The following MAPK7 variants were observed in gnomAD, a reference collection of about 807,000 sequenced individuals.
MAPK7 encodes the protein mitogen-activated protein kinase 7, also known as BMK-1.
In MAPK7, 30 loss-of-function variants were observed where a neutral mutation model predicts 56.9. The ratio of observed to expected loss-of-function variants is 0.53; its 90% confidence interval spans 0.39 to 0.72. The LOEUF (loss-of-function observed/expected upper bound fraction) is 0.72. MAPK7 is among the 30% of genes least tolerant of loss of function. The pLI is 0.00. For missense variants in MAPK7, 952 were observed against 1,110.8 expected, an observed-to-expected ratio of 0.86 and a Z score of 2.03; for synonymous variants, 516 against 449.3, an observed-to-expected ratio of 1.15 and a Z score of -1.88.
chr17:19,378,954 C>G lies in MAPK7; in HGVS notation c.54C>G (p.Pro18=). ...EDGEDGSAEP[P]GPVKAEPAHT... The stretch of plus-strand genomic sequence containing the variant: ...GCGAGGACGGCTCTGCGGAGCCCCC[C>G]GGGCCCGTGAAGGCCGAACCCGCCC... The change falls in exon 2 of 7, where the codon CCC becomes CCG. Residue 18 remains proline (P), a synonymous_variant. Coordinates refer to ENST00000395604, the MANE Select transcript of MAPK7 (RefSeq NM_002749.4). The surrounding 1 kb of genome is among the most constrained non-coding windows in gnomAD (Gnocchi z 5.4). 1 of 1,600,532 alleles carries G rather than the reference C, an allele frequency of 6.2e-7. No homozygotes were observed. Among genetic ancestry groups the G allele is most frequent in the Admixed American group, 1.7e-5 (1 of 58,162 alleles).
At chr17:19,379,326 A>C (rs1415174240) in intron 2 of MAPK7, 194 bp downstream of exon 2, 1 of 609,546 alleles carries the variant, frequency 1.6e-6, no homozygotes. Flanking sequence ...TGGTTTTGCC[A>C]TCCTGCCTGC....
In MAPK7 at chr17:19,380,935, T is replaced by C. The variant is rs55909715; in HGVS notation, c.726T>C (p.Ala242=). The C allele has an allele frequency of 9.9e-5, 159 of 1,614,094 alleles. No homozygotes were observed. The African/African-American group carries it at 1.9e-3, about 20-fold the overall frequency. Residue 242 remains alanine, a synonymous_variant, in exon 4 of 7, where the codon GCT becomes GCC. Coordinates refer to ENST00000395604, the MANE Select transcript of MAPK7 (RefSeq NM_002749.4). ...TCTCTTTGCATGAGTATACACAGGCTATTGACCTCTGGTCTGTGGGCTGCA... is the reference window on the plus strand; with the variant it reads ...TCTCTTTGCATGAGTATACACAGGCCATTGACCTCTGGTCTGTGGGCTGCA... ...LMLSLHEYTQ[A]IDLWSVGCIF...
intron 3 of MAPK7, chr17:19,380,279 T>C: frequency 2.0e-6 from 1 of 495,856 alleles, no homozygotes; most frequent in African/African-American, 1.9e-5. Context: ...CCTGGTCAAT[T>C]TTCATCATAG....
At chr17:19,379,232 T>G in intron 2 of MAPK7, 100 bp downstream of exon 2, 1 of 1,085,254 alleles carries the variant, frequency 9.2e-7, no homozygotes. Context: ...GGGTGCGAGT[T>G]CTGGCTCCAG....
chr17:19,382,287 A>G lies in MAPK7; in HGVS notation c.1984A>G (p.Ser662Gly). The G allele has an allele frequency of 6.3e-7, 1 of 1,588,300 alleles. No homozygotes were observed. Among genetic ancestry groups the G allele is most frequent in the South Asian group, 1.1e-5 (1 of 90,166 alleles). ...PAPPQIATST[S>G]LLAAQSLVPP... ...GCCACCCCAGATTGCCACCTCCACC[A>G]GCCTCCTGGCTGCCCAGTCACTTGT... The change falls in exon 5 of 7, where the codon AGC (serine) becomes GGC (glycine). Residue 662 changes from serine (S) to glycine (G), a missense_variant. By Grantham distance (56) the Ser-to-Gly change is moderately conservative (BLOSUM62 0). Transcript: ENST00000395604.
At position 19,380,362 on chromosome 17, in the gene MAPK7, C is replaced by G; in HGVS notation, c.399-246C>G. On this transcript the variant is annotated intron_variant, in intron 3 of 6. Transcript: ENST00000395604. ...ACCTATTGGCCAGCCCTGGTGTAGT[C>G]CAACCCCATCTTTTATCTGATGGGG... is the stretch of plus-strand genomic sequence containing the variant. 2.8e-6 allele frequency: 3 copies of G among 1,069,072 alleles called. No homozygotes were observed. In the South Asian group the frequency reaches 6.3e-5, roughly 22 times the overall value. 66.2% of individuals were successfully genotyped at this position (1,069,072 alleles called of 1,614,324 possible).
At chr17:19,380,221 G>C (rs906114511) in intron 3 of MAPK7, 1 of 517,780 alleles carries the variant, frequency 1.9e-6, no homozygotes, top group African/African-American at 1.9e-5. Context: ...TCCCATAGCA[G>C]ACTTCACTAA....
intron 3 of MAPK7, 121 bp from the exon 4 acceptor site, chr17:19,380,487 C>G: frequency 6.8e-7 from 1 of 1,472,996 alleles, no homozygotes; most frequent in Non-Finnish European, 8.9e-7. Context: ...CCGTCAGCCC[C>G]TATGGGGTCC....
At chr17:19,380,363 C>A in intron 3 of MAPK7, 1 of 1,077,320 alleles carries the variant, frequency 9.3e-7, no homozygotes, top group Non-Finnish European at 1.2e-6. Context: ...TGGTGTAGTC[C>A]AACCCCATCT....
chr17:19,383,447 T>G lies in MAPK7; in HGVS notation c.*216T>G. ...CCCCAACTCCCCCTGAACAATCCTT[T>G]TCAGTATTATATTTTTATTATTATT... On this transcript the variant is annotated 3_prime_UTR_variant, in exon 7 of 7. Transcript: ENST00000395604. The G allele has an allele frequency of 2.2e-6, 1 of 445,406 alleles. No homozygotes were observed. Among genetic ancestry groups the G allele is most frequent in the Non-Finnish European group, 4.0e-6 (1 of 252,816 alleles). 27.6% of individuals were successfully genotyped at this position (445,406 alleles called of 1,614,324 possible).
At chr17:19,380,471 A>C (rs1567919393) in intron 3 of MAPK7, 137 bp from the exon 4 acceptor site, 3 of 1,444,928 alleles carry the variant, frequency 2.1e-6, no homozygotes, top group Non-Finnish European at 2.7e-6. Flanking sequence ...CTTCTTCCAT[A>C]CCATGCCGTC....
upstream of MAPK7, chr17:19,378,427 G>C: frequency 9.9e-7 from 1 of 1,011,770 alleles, no homozygotes; most frequent in African/African-American, 1.7e-5. This position sits in a 1 kb window ranked among gnomAD's most constrained non-coding sequence, Gnocchi z 5.4. Context: ...ACCCTCCGCA[G>C]CAGTAGCTCA....
At position 19,378,881 on chromosome 17, in the gene MAPK7, C is replaced by G; in HGVS notation, c.-5-15C>G. On this transcript the variant is annotated splice_polypyrimidine_tract_variant and intron_variant, in intron 1 of 6. Coordinates refer to ENST00000395604, the MANE Select transcript of MAPK7 (RefSeq NM_002749.4). The surrounding 1 kb of genome is among the most constrained non-coding windows in gnomAD (Gnocchi z 5.4). ...CACGGTAGGTGGTCCTCTCCTCACC[C>G]GAGTCTCCACACAGACACCATGGCC... The G allele has an allele frequency of 6.5e-7, 1 of 1,545,280 alleles. No individual in the cohort carries two copies.
At position 19,379,849 on chromosome 17, in the gene MAPK7, C is replaced by T. The variant is rs376398277; in HGVS notation, c.300C>T (p.Leu100=). The T allele has an allele frequency of 1.7e-5, 28 of 1,614,130 alleles. No individual in the cohort carries two copies. The Admixed American group carries it at 3.3e-4, about 19-fold the overall frequency. Residue 100 remains leucine, a synonymous_variant, in exon 3 of 7, where the codon CTC becomes CTT. Coordinates refer to ENST00000395604, the MANE Select transcript of MAPK7 (RefSeq NM_002749.4). ...FDVVTNAKRT[L]RELKILKHFK... ...TGGTGACCAATGCCAAGCGGACCCT[C>T]AGGGAGCTGAAGATCCTCAAGCACT...
In MAPK7 at chr17:19,381,935, G is replaced by T; in HGVS notation, c.1632G>T (p.Gly544=). Residue 544 remains glycine, a synonymous_variant, in exon 5 of 7, where the codon GGG becomes GGT. Transcript: ENST00000395604. The surrounding 1 kb of genome is among the most constrained non-coding windows in gnomAD (Gnocchi z 4.6). ...AGGAGCGGGAGCGAAAGGAACGGGGGGCTGGGGCCTCTGGGGGCCCCTCCA... is the reference window on the plus strand; with the variant it reads ...AGGAGCGGGAGCGAAAGGAACGGGGTGCTGGGGCCTCTGGGGGCCCCTCCA... The part of the protein sequence containing the change: ...RRQERERKER[G]AGASGGPSTD... The T allele has an allele frequency of 6.4e-7, 1 of 1,552,182 alleles. No individual in the cohort carries two copies. The highest frequency in any genetic ancestry group is 1.2e-5 in the South Asian group (1 of 84,230).
chr17:19,382,015 G>A lies in MAPK7; in HGVS notation c.1712G>A (p.Arg571His), dbSNP rs1912729082. ...LSDNDRSLLE[R>H]WTRMARPAAP... ...GACAATGACAGAAGCCTGTTGGAAC[G>A]CTGGACTCGAATGGCCCGGCCCGCA... The change falls in exon 5 of 7, where the codon CGC becomes CAC. Residue 571 changes from arginine (R) to histidine (H), a missense_variant. By Grantham distance (29) the Arg-to-His change is conservative (BLOSUM62 0). Around this residue, in one of 5 missense-constraint regions of MAPK7, gnomAD observed 429 missense variants for 533.0 expected, o/e 0.80. Transcript: ENST00000395604. The A allele has an allele frequency of 2.6e-6, 4 of 1,556,366 alleles. No homozygotes were observed. Among genetic ancestry groups the A allele is most frequent in the Non-Finnish European group, 3.5e-6 (4 of 1,150,028 alleles).
rs1912901286 is a variant in MAPK7, at chr17:19,383,522, A to G, written c.*291A>G. The G allele has an allele frequency of 4.4e-6, 1 of 226,654 alleles. No homozygotes were observed. Among genetic ancestry groups the G allele is most frequent in the African/African-American group, 2.3e-5 (1 of 44,050 alleles). The allele number at this position is 226,654 out of a possible 1,614,324, so 14.0% of individuals were successfully genotyped here. On this transcript the variant is annotated 3_prime_UTR_variant, in exon 7 of 7. Transcript: ENST00000395604. ...GCCATCAAAATGAGGCCTGTGAAAT[A>G]CAAGGTTCCCTTCTGCACCTGACTC... is the stretch of plus-strand genomic sequence containing the variant.
In MAPK7 at chr17:19,378,725, C is replaced by A; in HGVS notation, c.-6+95C>A. The A allele has an allele frequency of 1.5e-6, 2 of 1,363,106 alleles. No individual in the cohort carries two copies. The highest frequency in any genetic ancestry group is 1.9e-6 in the Non-Finnish European group (2 of 1,039,772). 84.4% of individuals were successfully genotyped at this position (1,363,106 alleles called of 1,614,324 possible). A position where few individuals can be genotyped will look rare whatever the true frequency, so the allele number is the denominator to read the frequency against. On this transcript the variant is annotated intron_variant, in intron 1 of 6. Transcript: ENST00000395604. The surrounding 1 kb of genome is among the most constrained non-coding windows in gnomAD (Gnocchi z 5.4). ...CCCTCCCCCGACCCTGGCGGGCCCC[C>A]GGCTCTGGGCCCGGACCCCTGGGGT...
In MAPK7 at chr17:19,380,588, CTCCT is replaced by C. The variant is rs1363421718; in HGVS notation, c.399-12_399-9del. 3.2e-6 allele frequency: 5 copies of C among 1,574,282 alleles called. No individual in the cohort carries two copies. The highest frequency in any genetic ancestry group is 1.7e-5 in the Admixed American group (1 of 57,924). On this transcript the variant is annotated splice_polypyrimidine_tract_variant and intron_variant, in intron 3 of 6. Transcript: ENST00000395604. ...TGTGATCAGGCCAACCCATGCTTCT[CTCCT>C]TCCTTCCCCTTCCAGCTACGTGGTC...
Sources: allele counts gnomAD v4.1 joint callset, GRCh38; gene constraint gnomAD v4.1.1; regional missense constraint gnomAD v4.1.1; non-coding constraint Gnocchi (gnomAD v3.1); transcripts MANE v1.5; gene names NCBI Gene and HGNC (gene_info 2026-07-23, HGNC 2026-07-21).